The following CKAP5 variants were observed in gnomAD, a reference collection of about 807,000 sequenced individuals.
CKAP5 encodes the protein cytoskeleton-associated protein 5.
CKAP5 carries 27 observed loss-of-function variants against 232.8 expected under a neutral mutation model. The observed-to-expected ratio is 0.12, with a 90% CI of 0.09 to 0.16. The LOEUF is 0.16. CKAP5 is among the 10% of genes least tolerant of loss of function. CKAP5 has a pLI of 1.00. For missense variants in CKAP5, 1,838 were observed against 2,424.7 expected (o/e 0.76, Z 5.08); for synonymous variants, 785 against 841.1 (o/e 0.93, Z 1.16).
Position 46,778,216 on chromosome 11 carries a change from C to T in CKAP5, c.2671G>A (p.Ala891Thr), listed in dbSNP as rs201726696. ...CCTATATTCGGTTGGATAAATTTTGCGTCATTAATAATACCTGCCACTTCA... is the reference window on the plus strand; with the variant it reads ...CCTATATTCGGTTGGATAAATTTTGTGTCATTAATAATACCTGCCACTTCA... Reference protein sequence around the residue: ...LDEVAGIINDAKFIQPNIGEL... With the variant: ...LDEVAGIINDTKFIQPNIGEL... Residue 891 changes from alanine (A) to threonine (T), a missense_variant, in exon 22 of 44, where the codon GCA becomes ACA. This residue lies in a region of CKAP5 where 767 missense variants were observed against 954.6 expected (regional missense o/e 0.80). Coordinates refer to ENST00000529230, the MANE Select transcript of CKAP5 (RefSeq NM_001008938.4). 3.5e-5 allele frequency: 56 copies of T among 1,613,892 alleles called. No homozygotes were observed. The East Asian group carries it at 8.2e-4, about 24-fold the overall frequency.
At chr11:46,790,676 ATTG>A in intron 13 of CKAP5, 93 bp from the exon 14 acceptor site, 1 of 871,772 alleles carries the variant, frequency 1.1e-6, no homozygotes, top group Admixed American at 2.7e-5. Flanking sequence ...AGTGTCTCAT[ATTG>A]TTGTCGAGCC....
chr11:46,820,335 T>C (rs556346576), intron 2 of CKAP5, among the ~76,000 whole-genome samples: 2 of 152,242 alleles, frequency 1.3e-5, no homozygotes, highest in African/African-American at 4.8e-5. Flanking sequence ...TTATATAGGA[T>C]GAAGGAGTGG....
intron 28 of CKAP5, 71 bp downstream of exon 28, chr11:46,765,060 T>C: frequency 2.8e-6 from 4 of 1,429,012 alleles, no homozygotes; most frequent in Non-Finnish European, 3.8e-6. Flanking sequence ...TAACATGAAT[T>C]CAGACAGCAA....
chr11:46,786,271 T>A (rs1221038141), intron 16 of CKAP5, among the ~76,000 whole-genome samples: 1 of 152,220 alleles, frequency 6.6e-6, no homozygotes, highest in African/African-American at 2.4e-5. Context: ...GCTCCCCTTT[T>A]CTTCCAGCTC....
intron 24 of CKAP5, among the ~76,000 whole-genome samples, chr11:46,772,123 G>A (rs2065252864): frequency 6.6e-6 from 1 of 151,092 alleles, no homozygotes; most frequent in East Asian, 1.9e-4. Flanking sequence ...TCACAGGCTT[G>A]GCCATGGATA....
chr11:46,744,109 A>G lies in CKAP5; in HGVS notation c.6013T>C (p.Ser2005Pro). Residue 2005 changes from serine (S) to proline (P), a missense_variant, in exon 44 of 44, where the codon TCA becomes CCA. Physicochemically the swap from Ser to Pro is moderately conservative, Grantham distance 74. Around this residue, in one of 6 missense-constraint regions of CKAP5, gnomAD observed 62 missense variants for 61.1 expected, o/e 1.01. Coordinates refer to ENST00000529230, the MANE Select transcript of CKAP5 (RefSeq NM_001008938.4). ...SDLDSNQTHS[S>P]GTVTSSSSTA... ...GAGGAGGAGGAGGTCACAGTTCCTGAAGAGTGAGTCTGGTTAGAATCCAGG... is the reference window on the plus strand; with the variant it reads ...GAGGAGGAGGAGGTCACAGTTCCTGGAGAGTGAGTCTGGTTAGAATCCAGG... 6.2e-7 allele frequency: 1 copy of G among 1,614,110 alleles called. No individual in the cohort carries two copies. Among genetic ancestry groups the G allele is most frequent in the Non-Finnish European group, 8.5e-7 (1 of 1,180,020 alleles).
intron 23 of CKAP5, among the ~76,000 whole-genome samples, chr11:46,776,816 CATTA>C (rs1485307844): frequency 5.9e-5 from 8 of 134,804 alleles, no homozygotes; most frequent in Non-Finnish European, 9.4e-5. Flanking sequence ...TATTAATTTA[CATTA>C]ATATTAAAAG....
chr11:46,783,118 G>C (rs2065357483), intron 18 of CKAP5, 156 bp downstream of exon 18: 1 of 469,296 alleles, frequency 2.1e-6, no homozygotes, highest in Non-Finnish European at 3.8e-6. Context: ...AGCCAATATA[G>C]ACCTTTGAGA....
At chr11:46,825,824 T>C in intron 1 of CKAP5, among the ~76,000 whole-genome samples, 1 of 152,096 alleles carries the variant, frequency 6.6e-6, no homozygotes, top group East Asian at 1.9e-4. Context: ...ACTCAAACCA[T>C]GTCTAGGAAG....
intron 1 of CKAP5, among the ~76,000 whole-genome samples, chr11:46,844,493 C>A (rs1307287132): frequency 1.3e-5 from 2 of 152,090 alleles, no homozygotes; most frequent in Non-Finnish European, 2.9e-5. Flanking sequence ...TAGAAGACTG[C>A]GATGGAATTA....
intron 34 of CKAP5, 76 bp from the exon 35 acceptor site, chr11:46,759,119 C>T (rs1010659150): frequency 3.2e-6 from 5 of 1,561,296 alleles, no homozygotes; most frequent in Non-Finnish European, 4.4e-6. Context: ...TACAATTCTC[C>T]ACTAGGTCCA....
rs192680272 is a variant in CKAP5 at position 46,805,132 on chromosome 11, G to A, written c.978+2899C>T. Among the ~76,000 whole-genome samples, 418 of 152,088 alleles carry A rather than the reference G, an allele frequency of 2.7e-3. 2 individuals carry two copies. The highest frequency in any genetic ancestry group is 9.5e-3 in the African/African-American group (396 of 41,522). ...CGCCTGTAATCCCAGCTACTCAGGC[G>A]GCTGAGGCAGGAGAATCGCTTGAAC... is the stretch of plus-strand genomic sequence containing the variant. On this transcript the variant is annotated intron_variant, in intron 8 of 43. Coordinates refer to ENST00000529230, the MANE Select transcript of CKAP5 (RefSeq NM_001008938.4).
rs1939036813 is a variant in CKAP5, at chr11:46,801,821, CAT to C, written c.979-519_979-518del. ...CTATCTTAAAGTTCTACTAATAAAA[CAT>C]AGATAAAACCACAACATCAAATTGC... On this transcript the variant is annotated intron_variant, in intron 8 of 43. Coordinates refer to ENST00000529230, the MANE Select transcript of CKAP5 (RefSeq NM_001008938.4). Among the ~76,000 whole-genome samples the C allele has an allele frequency of 5.9e-5, 9 of 152,276 alleles. No homozygotes were observed. The South Asian group carries it at 1.9e-3, about 32-fold the overall frequency.
rs141190497 is a variant in CKAP5, at chr11:46,777,302, C to T, written c.2862+137G>A. ...ACTGCCTGGAAGATAAAAATGTTTACTGTTTTTCTTCTAATATTTTCATCT... is the reference window on the plus strand; with the variant it reads ...ACTGCCTGGAAGATAAAAATGTTTATTGTTTTTCTTCTAATATTTTCATCT... On this transcript the variant is annotated intron_variant, in intron 23 of 43. Coordinates refer to ENST00000529230, the MANE Select transcript of CKAP5 (RefSeq NM_001008938.4). 8.5e-3 allele frequency: 4,843 copies of T among 572,892 alleles called. 34 individuals carry two copies. The highest frequency in any genetic ancestry group is 0.012 in the Middle Eastern group (29 of 2,394). The allele number at this position is 572,892 out of a possible 1,614,324, so 35.5% of individuals were successfully genotyped here.
Position 46,778,506 on chromosome 11 carries a change from C to T in CKAP5, c.2527G>A (p.Asp843Asn). ...AGATCAACGACATCATTGCTCCCGTCATCTGGTTCATCTCCATCTTCTCCT... is the reference window on the plus strand; with the variant it reads ...AGATCAACGACATCATTGCTCCCGTTATCTGGTTCATCTCCATCTTCTCCT... The part of the protein sequence containing the change: ...DEGEDGDEPD[D>N]GSNDVVDLLP... The change falls in exon 21 of 44, where the codon GAC becomes AAC. Residue 843 changes from aspartate to asparagine, a missense_variant. Around this residue, in one of 6 missense-constraint regions of CKAP5, gnomAD observed 767 missense variants for 954.6 expected, o/e 0.80. Transcript: ENST00000529230. 1 of 1,614,148 alleles carries T rather than the reference C, an allele frequency of 6.2e-7. No individual in the cohort carries two copies. Among genetic ancestry groups the T allele is most frequent in the East Asian group, 2.2e-5 (1 of 44,874 alleles).
chr11:46,761,282 G>C (rs895863234), intron 32 of CKAP5, among the ~76,000 whole-genome samples: 2 of 143,908 alleles, frequency 1.4e-5, no homozygotes, highest in African/African-American at 5.1e-5. Context: ...ATAAAAAAAA[G>C]AAAGCCAATT....
intron 1 of CKAP5, among the ~76,000 whole-genome samples, chr11:46,840,169 A>G (rs1019323024): frequency 4.6e-5 from 7 of 152,152 alleles, no homozygotes; most frequent in Admixed American, 1.3e-4. Context: ...TGTGGGACCC[A>G]GTAGGCATTC....
chr11:46,803,382 C>T (rs1175276710), intron 8 of CKAP5, among the ~76,000 whole-genome samples: 1 of 152,000 alleles, frequency 6.6e-6, no homozygotes, highest in Non-Finnish European at 1.5e-5. Flanking sequence ...GATCTTCCCA[C>T]CTCAGCCTCC....
intron 5 of CKAP5, 58 bp from the exon 6 acceptor site, chr11:46,809,932 C>T: frequency 6.8e-7 from 1 of 1,476,706 alleles, no homozygotes. Flanking sequence ...AGTTAACATA[C>T]TTAATACTTA....
Sources: gnomAD v4.1 joint callset for allele counts (sites outside exome capture counted in the v4.1 genomes callset) on GRCh38, gnomAD v4.1.1 for gene constraint, gnomAD v4.1.1 regional missense constraint, MANE v1.5 for transcripts, NCBI Gene and HGNC (gene_info 2026-07-23, HGNC 2026-07-21) for gene names.